The following L3MBTL4 variants were observed in gnomAD, a reference collection of about 807,000 sequenced individuals.
L3MBTL4 encodes the protein lethal(3)malignant brain tumor-like protein 4.
In L3MBTL4, 70 loss-of-function variants were observed where a neutral mutation model predicts 84.5. The observed-to-expected ratio is 0.83, with a 90% CI of 0.68 to 1.01. The LOEUF (loss-of-function observed/expected upper bound fraction) is 1.01. Ranked by LOEUF, L3MBTL4 falls within the 50% of genes least tolerant of loss-of-function variation. The pLI is 0.00. For synonymous variants in L3MBTL4, 274 were observed against 259.8 expected, an observed-to-expected ratio of 1.05 and a Z score of -0.52; for missense variants, 715 against 754.8, an observed-to-expected ratio of 0.95 and a Z score of 0.62.
intron 13 of L3MBTL4, among the ~76,000 whole-genome samples, chr18:6,160,363 T>A (rs1035280557): frequency 1.3e-5 from 2 of 152,118 alleles, no homozygotes; most frequent in Non-Finnish European, 2.9e-5. Flanking sequence ...GTGTTACAAG[T>A]CAGGAGTGTT....
chr18:6,094,646 T>A (rs2058571841), intron 14 of L3MBTL4, among the ~76,000 whole-genome samples: 1 of 152,200 alleles, frequency 6.6e-6, no homozygotes, highest in Admixed American at 6.5e-5. Flanking sequence ...CCATTCTGAA[T>A]ACATGAAAGC....
Position 6,272,961 on chromosome 18 carries a change from T to C in L3MBTL4, c.128-8923A>G, listed in dbSNP as rs1374761432. Among the ~76,000 whole-genome samples, 16 of 52,502 alleles carry C rather than the reference T, an allele frequency of 3.0e-4. No individual in the cohort carries two copies. In the East Asian group the frequency reaches 9.3e-3, roughly 31 times the overall value. 34.4% of individuals were successfully genotyped at this position (52,502 alleles called of 152,430 possible). A position where few individuals can be genotyped will look rare whatever the true frequency, so the allele number is the denominator to read the frequency against. On this transcript the variant is annotated intron_variant, in intron 4 of 18. Coordinates refer to ENST00000317931, the MANE Select transcript of L3MBTL4 (RefSeq NM_001330559.2). ...TTAAACTGGTGGTTCTACAGAGCGG[T>C]GCCTTCAGGAGCACGGGGAAAGGGA...
chr18:6,192,986 G>A (rs1309802918), intron 12 of L3MBTL4, among the ~76,000 whole-genome samples: 1 of 152,124 alleles, frequency 6.6e-6, no homozygotes, highest in Non-Finnish European at 1.5e-5. Flanking sequence ...ACAATCAACG[G>A]ATTAGAGGCC....
At chr18:6,175,245 A>C (rs1806701777) in intron 12 of L3MBTL4, among the ~76,000 whole-genome samples, 1 of 152,208 alleles carries the variant, frequency 6.6e-6, no homozygotes, top group African/African-American at 2.4e-5. Context: ...TTCTCACCAG[A>C]AACAGTGCAG....
At chr18:6,099,371 T>C (rs184937071) in intron 14 of L3MBTL4, among the ~76,000 whole-genome samples, 11 of 151,784 alleles carry the variant, frequency 7.2e-5, no homozygotes, top group Non-Finnish European at 1.5e-4. Flanking sequence ...GTGATAGTAC[T>C]TTTCATCTGA....
chr18:6,225,769 TAGGAA>T (rs1400218857), intron 10 of L3MBTL4, among the ~76,000 whole-genome samples: 1 of 143,178 alleles, frequency 7.0e-6, no homozygotes, highest in Non-Finnish European at 1.5e-5. Flanking sequence ...AAGGGGAACA[TAGGAA>T]CTACAGTAGA....
chr18:6,200,572 C>G (rs2045608386), intron 12 of L3MBTL4, among the ~76,000 whole-genome samples: 1 of 152,242 alleles, frequency 6.6e-6, no homozygotes, highest in African/African-American at 2.4e-5. Flanking sequence ...CATTACTACT[C>G]CACAGTCCCA....
chr18:6,078,911 G>A (rs1385134316), intron 16 of L3MBTL4, among the ~76,000 whole-genome samples: 3 of 152,136 alleles, frequency 2.0e-5, no homozygotes, highest in South Asian at 2.1e-4. Flanking sequence ...AGATCGTCAG[G>A]TATTAGATTC....
intron 12 of L3MBTL4, among the ~76,000 whole-genome samples, chr18:6,210,666 T>A (rs1341701754): frequency 2.0e-5 from 3 of 152,210 alleles, no homozygotes; most frequent in African/African-American, 4.8e-5. Context: ...ATGACCACCA[T>A]AGGCATTGTT....
intron 4 of L3MBTL4, among the ~76,000 whole-genome samples, chr18:6,271,775 G>C (rs1330670955): frequency 6.6e-6 from 1 of 152,118 alleles, no homozygotes; most frequent in Non-Finnish European, 1.5e-5. Flanking sequence ...GGAAGGAGGC[G>C]ACAGAGACCT....
Position 6,138,610 on chromosome 18 carries a change from T to C in L3MBTL4, c.1097-314A>G, listed in dbSNP as rs867787163. On this transcript the variant is annotated intron_variant, in intron 13 of 18. Coordinates refer to ENST00000317931, the MANE Select transcript of L3MBTL4 (RefSeq NM_001330559.2). Reference sequence around the variant, plus strand: ...CTCTGTTGCCCAGGCTGGAATGCAGTGGCGCATCTCGGCTCACTGCAACCT... The same window carrying C: ...CTCTGTTGCCCAGGCTGGAATGCAGCGGCGCATCTCGGCTCACTGCAACCT... Among the ~76,000 whole-genome samples, 4 of 152,164 alleles carry C rather than the reference T, an allele frequency of 2.6e-5. No homozygotes were observed. In the South Asian group the frequency reaches 6.2e-4, roughly 24 times the overall value.
intron 14 of L3MBTL4, among the ~76,000 whole-genome samples, chr18:6,132,574 C>A (rs1401897532): frequency 6.6e-6 from 1 of 152,200 alleles, no homozygotes; most frequent in Non-Finnish European, 1.5e-5. Context: ...TCATTTTTTT[C>A]TCTAAGCTTC....
At chr18:6,160,945 T>C (rs1177483530) in intron 13 of L3MBTL4, among the ~76,000 whole-genome samples, 1 of 152,042 alleles carries the variant, frequency 6.6e-6, no homozygotes, top group Non-Finnish European at 1.5e-5. Context: ...TTAAAGAAAA[T>C]TTACATCAAG....
chr18:5,966,452 T>C (rs540774717), intron 17 of L3MBTL4, among the ~76,000 whole-genome samples: 2 of 152,308 alleles, frequency 1.3e-5, no homozygotes, highest in African/African-American at 4.8e-5. Flanking sequence ...ACACCCGGCT[T>C]CCAGGGACTC....
chr18:6,146,998 C>G (rs2042684097), intron 13 of L3MBTL4, among the ~76,000 whole-genome samples: 1 of 151,948 alleles, frequency 6.6e-6, no homozygotes, highest in South Asian at 2.1e-4. Flanking sequence ...CTCGGTGAAA[C>G]AGGCAGTAAG....
intron 14 of L3MBTL4, among the ~76,000 whole-genome samples, chr18:6,098,872 T>C (rs894439448): frequency 2.6e-5 from 4 of 152,198 alleles, no homozygotes; most frequent in Admixed American, 2.6e-4. Context: ...CGGGGGCATC[T>C]CCATGTGGAA....
chr18:6,329,001 C>T (rs940747784), intron 1 of L3MBTL4, among the ~76,000 whole-genome samples: 1 of 152,188 alleles, frequency 6.6e-6, no homozygotes, highest in Non-Finnish European at 1.5e-5. Context: ...TTTTCATGCA[C>T]TGAACACATG....
chr18:6,078,571 T>C (rs893398569), intron 16 of L3MBTL4, among the ~76,000 whole-genome samples: 4 of 152,236 alleles, frequency 2.6e-5, no homozygotes, highest in African/African-American at 9.6e-5. Flanking sequence ...CATATTTATT[T>C]TCATTATTTT....
intron 12 of L3MBTL4, among the ~76,000 whole-genome samples, chr18:6,201,473 G>A (rs1599127317): frequency 6.6e-6 from 1 of 152,192 alleles, no homozygotes; most frequent in African/African-American, 2.4e-5. Context: ...CAGAATGCCA[G>A]GAATGGGCTT....
Sources: gnomAD v4.1 joint callset for allele counts (sites outside exome capture counted in the v4.1 genomes callset) on GRCh38, gnomAD v4.1.1 for gene constraint, MANE v1.5 for transcripts, NCBI Gene and HGNC (gene_info 2026-07-23, HGNC 2026-07-21) for gene names.